Variants in ELMO1 observed in about 807,000 individuals in gnomAD.
The protein encoded by ELMO1 is engulfment and cell motility protein 1.
Under a neutral mutation model 98.9 loss-of-function variants are expected in ELMO1, and 26 were observed. The ratio of observed to expected loss-of-function variants is 0.26; its 90% CI spans 0.19 to 0.36. The LOEUF is 0.36. Ranked by LOEUF, ELMO1 falls within the 10% of genes least tolerant of loss-of-function variation. The pLI is 1.00. For synonymous variants in ELMO1, 346 were observed against 346.0 expected, an observed-to-expected ratio of 1.00 and a Z score of 0.00; for missense variants, 627 against 935.2, an observed-to-expected ratio of 0.67 and a Z score of 4.30.
intron 7 of ELMO1, among the ~76,000 whole-genome samples, chr7:37,243,293 G>C (rs138306943): frequency 7.2e-5 from 11 of 152,264 alleles, no homozygotes; most frequent in African/African-American, 2.4e-4. Context: ...GAGAAAGTAA[G>C]TTTGAATCCC....
At chr7:37,339,215 G>A (rs541068545) in intron 2 of ELMO1, among the ~76,000 whole-genome samples, 4,497 of 152,294 alleles carry the variant, frequency 0.03, 94 homozygotes, top group Non-Finnish European at 0.045. Context: ...CAGATGAAAA[G>A]CCCTGCCCCT....
chr7:37,178,205 G>C (rs761380799), intron 13 of ELMO1, among the ~76,000 whole-genome samples: 1 of 151,960 alleles, frequency 6.6e-6, no homozygotes, highest in Non-Finnish European at 1.5e-5. Context: ...GGCTGGGGAG[G>C]CCTCACAATC....
At chr7:37,441,249 C>T (rs1424136218) in intron 1 of ELMO1, among the ~76,000 whole-genome samples, 2 of 60 alleles carry the variant, frequency 0.033, no homozygotes, top group South Asian at 0.25. Context: ...TAGTCTATAA[C>T]CCAGCATATT....
chr7:36,894,994 C>T lies in ELMO1; in HGVS notation c.1461G>A (p.Gln487=), dbSNP rs767053616. Residue 487 remains glutamine (Q), a synonymous_variant, in exon 17 of 22, where the codon CAG becomes CAA. Transcript: ENST00000310758. The part of the protein sequence containing the change: ...FNKVMQVVKE[Q]VMRALTTKPS... ...GCTTGGTTGTAAGTGCTCTCATAAC[C>T]TGCTCCTTCACCACCTGCATTACCT... 2.5e-6 allele frequency: 4 copies of T among 1,613,860 alleles called. No homozygotes were observed. Among genetic ancestry groups the T allele is most frequent in the Non-Finnish European group, 3.4e-6 (4 of 1,179,990 alleles).
chr7:37,166,082 G>T (rs370411643), intron 13 of ELMO1, among the ~76,000 whole-genome samples: 1 of 152,118 alleles, frequency 6.6e-6, no homozygotes, highest in Non-Finnish European at 1.5e-5. Flanking sequence ...TGTATGTGTC[G>T]AGGAATTTAT....
At chr7:37,266,398 C>T (rs1275023088) in intron 5 of ELMO1, among the ~76,000 whole-genome samples, 1 of 152,042 alleles carries the variant, frequency 6.6e-6, no homozygotes, top group Non-Finnish European at 1.5e-5. Context: ...GCCCTCTGAC[C>T]TAAATAATGC....
intron 13 of ELMO1, among the ~76,000 whole-genome samples, chr7:37,185,111 C>T (rs559203254): frequency 3.9e-5 from 6 of 152,114 alleles, no homozygotes; most frequent in African/African-American, 1.2e-4. Flanking sequence ...TCTTAAAGAG[C>T]GGAGTTATTC....
intron 7 of ELMO1, among the ~76,000 whole-genome samples, chr7:37,239,977 C>G (rs570387700): frequency 3.4e-4 from 52 of 152,184 alleles, no homozygotes; most frequent in African/African-American, 1.2e-3. Context: ...ATGACTAACA[C>G]ATTTGGTAAA....
At chr7:37,010,862 C>A (rs1793498009) in intron 16 of ELMO1, among the ~76,000 whole-genome samples, 1 of 151,974 alleles carries the variant, frequency 6.6e-6, no homozygotes, top group Admixed American at 6.6e-5. Flanking sequence ...ATGCATAGTA[C>A]TGAAAAAAAG....
Position 36,970,792 on chromosome 7 carries a change from G to C in ELMO1, c.1437+42507C>G, listed in dbSNP as rs148749853. ...TTACTTAGGTATGTGGTTGTGCAAT[G>C]TCAGAGCTGGCCACTCAGTCTGAAA... On this transcript the variant is annotated intron_variant, in intron 16 of 21. Transcript: ENST00000310758. Among the ~76,000 whole-genome samples the C allele has an allele frequency of 4.2e-3, 643 of 152,358 alleles. 11 individuals are homozygous for C. The highest frequency in any genetic ancestry group is 0.015 in the African/African-American group (613 of 41,590).
intron 6 of ELMO1, among the ~76,000 whole-genome samples, chr7:37,254,420 T>C (rs901055787): frequency 6.6e-6 from 1 of 152,214 alleles, no homozygotes; most frequent in African/African-American, 2.4e-5. Flanking sequence ...TGCTTAACAA[T>C]GCGATACATG....
intron 15 of ELMO1, among the ~76,000 whole-genome samples, chr7:37,044,368 T>C (rs1795689416): frequency 6.6e-6 from 1 of 152,190 alleles, no homozygotes; most frequent in Non-Finnish European, 1.5e-5. Context: ...ACTAAGTACT[T>C]CACATGTGTT....
intron 9 of ELMO1, 78 bp from the exon 10 acceptor site, chr7:37,222,771 G>T (rs574245470): frequency 4.4e-6 from 6 of 1,368,732 alleles, no homozygotes; most frequent in South Asian, 3.8e-5. Flanking sequence ...CCATGAAAAG[G>T]CTCAAAATCA....
chr7:36,971,972 C>A (rs1380549194), intron 16 of ELMO1, among the ~76,000 whole-genome samples: 1 of 152,070 alleles, frequency 6.6e-6, no homozygotes, highest in African/African-American at 2.4e-5. Context: ...TCCAGGGGAC[C>A]ATGCGGGCTT....
intron 15 of ELMO1, among the ~76,000 whole-genome samples, chr7:37,065,963 C>T (rs1204957130): frequency 2.0e-5 from 3 of 152,138 alleles, no homozygotes; most frequent in Admixed American, 6.5e-5. Flanking sequence ...CATGGGGCAG[C>T]TGCCCTCATA....
At chr7:36,896,192 A>G (rs1369587746) in intron 16 of ELMO1, among the ~76,000 whole-genome samples, 2 of 152,160 alleles carry the variant, frequency 1.3e-5, no homozygotes, top group African/African-American at 4.8e-5. Context: ...CCTCCCTCCA[A>G]TACAGTGGAG....
chr7:36,916,120 C>G (rs1784672158), intron 16 of ELMO1, among the ~76,000 whole-genome samples: 1 of 152,196 alleles, frequency 6.6e-6, no homozygotes, highest in South Asian at 2.1e-4. Flanking sequence ...GAAGGCGGCA[C>G]CTGGATGACC....
At chr7:37,022,586 T>C (rs543793967) in intron 15 of ELMO1, among the ~76,000 whole-genome samples, 8 of 152,348 alleles carry the variant, frequency 5.3e-5, no homozygotes, top group African/African-American at 1.9e-4. Flanking sequence ...ACATGAAGTG[T>C]TGATAAGAAT....
intron 16 of ELMO1, among the ~76,000 whole-genome samples, chr7:36,972,070 T>C (rs1450919397): frequency 6.6e-6 from 1 of 152,192 alleles, no homozygotes; most frequent in African/African-American, 2.4e-5. Flanking sequence ...GAACGTTTCA[T>C]TGTCGAGCAC....
Sources: gnomAD v4.1 joint callset for allele counts (sites outside exome capture counted in the v4.1 genomes callset) on GRCh38, gnomAD v4.1.1 for gene constraint, MANE v1.5 for transcripts, NCBI Gene and HGNC (gene_info 2026-07-23, HGNC 2026-07-21) for gene names.